The following EEFSEC variants were observed in gnomAD, a reference collection of about 807,000 sequenced individuals.
The protein encoded by EEFSEC is selenocysteine-specific elongation factor.
EEFSEC carries 43 observed loss-of-function variants against 42.1 expected under a neutral mutation model. The ratio of observed to expected loss-of-function variants is 1.02; its 90% CI spans 0.80 to 1.32. The LOEUF (loss-of-function observed/expected upper bound fraction) is 1.32. Ranked by LOEUF, EEFSEC falls within the 40% of genes most tolerant of loss-of-function variation. The probability of loss-of-function intolerance (pLI) is 0.00; values close to 1 mark genes in which losing one functional copy is unlikely to be tolerated. For missense variants in EEFSEC, 745 were observed against 803.6 expected, an observed-to-expected ratio of 0.93 and a Z score of 0.88; for synonymous variants, 354 against 339.1, an observed-to-expected ratio of 1.04 and a Z score of -0.48.
chr3:128,391,042 A>T (rs1576696225), intron 6 of EEFSEC, among the ~76,000 whole-genome samples: 1 of 152,258 alleles, frequency 6.6e-6, no homozygotes, highest in African/African-American at 2.4e-5. Flanking sequence ...GTCATACGAC[A>T]CATGGATGTG....
intron 4 of EEFSEC, among the ~76,000 whole-genome samples, chr3:128,323,008 T>G (rs2067024913): frequency 6.6e-6 from 1 of 152,226 alleles, no homozygotes; most frequent in South Asian, 2.1e-4. Flanking sequence ...TTGCTTAACA[T>G]GTTTAAAGTA....
chr3:128,251,633 G>A lies in EEFSEC; in HGVS notation c.524+4590G>A, dbSNP rs189750645. ...GCCCATGTAAAAATTTTGTCTGTTT[G>A]CCTCTTGCAATTTTAATTTTTTTTT... On this transcript the variant is annotated intron_variant, in intron 2 of 6. Coordinates refer to ENST00000254730, the MANE Select transcript of EEFSEC (RefSeq NM_021937.5). Among the ~76,000 whole-genome samples, 345 of 152,090 alleles carry A rather than the reference G, an allele frequency of 2.3e-3. 1 individual carries two copies. The highest frequency in any genetic ancestry group is 7.6e-3 in the African/African-American group (314 of 41,490).
intron 6 of EEFSEC, among the ~76,000 whole-genome samples, chr3:128,397,363 G>A (rs1194486066): frequency 6.6e-6 from 1 of 152,206 alleles, no homozygotes; most frequent in Non-Finnish European, 1.5e-5. Context: ...CAGCTGTTGT[G>A]ACCCCAGGCA....
intron 6 of EEFSEC, among the ~76,000 whole-genome samples, chr3:128,359,056 C>T (rs963817990): frequency 1.3e-5 from 2 of 152,110 alleles, no homozygotes; most frequent in South Asian, 2.1e-4. Context: ...CTAAAGAAAT[C>T]CCTGTCAGAT....
chr3:128,367,063 G>A (rs1326733456), intron 6 of EEFSEC, among the ~76,000 whole-genome samples: 2 of 152,176 alleles, frequency 1.3e-5, no homozygotes, highest in African/African-American at 4.8e-5. Context: ...TCACATGGCT[G>A]TCCCTCTGTG....
In EEFSEC at chr3:128,240,793, G is replaced by A. The variant is rs140223046; in HGVS notation, c.317-6043G>A. On this transcript the variant is annotated intron_variant, in intron 1 of 6. Coordinates refer to ENST00000254730, the MANE Select transcript of EEFSEC (RefSeq NM_021937.5). Reference sequence around the variant, plus strand: ...GGACAGCTGCAACCTGTGTTGGATGGAGCCTGATCAGTCCTGGGTTCTTGC... The same window carrying A: ...GGACAGCTGCAACCTGTGTTGGATGAAGCCTGATCAGTCCTGGGTTCTTGC... 2.2e-3 allele frequency among the ~76,000 whole-genome samples: 338 copies of A among 152,364 alleles called. 3 individuals carry two copies. Among genetic ancestry groups the A allele is most frequent in the African/African-American group, 7.7e-3 (321 of 41,586 alleles).
intron 1 of EEFSEC, among the ~76,000 whole-genome samples, chr3:128,188,416 GA>G (rs767733823): frequency 2.1e-4 from 32 of 152,290 alleles, no homozygotes; most frequent in Admixed American, 5.9e-4. Context: ...TGGGGTAGAT[GA>G]AAGGGGGTCC....
At chr3:128,160,805 C>T (rs550328110) in intron 1 of EEFSEC, among the ~76,000 whole-genome samples, 52 of 152,126 alleles carry the variant, frequency 3.4e-4, no homozygotes, top group African/African-American at 1.1e-3. Context: ...CACACACGCG[C>T]GCACACACAC....
At chr3:128,265,238 G>A (rs913875010) in intron 4 of EEFSEC, among the ~76,000 whole-genome samples, 2 of 152,112 alleles carry the variant, frequency 1.3e-5, no homozygotes, top group Non-Finnish European at 2.9e-5. Flanking sequence ...TAAACATGAC[G>A]TGAATCTTAT....
chr3:128,363,257 T>C (rs1288022433), intron 6 of EEFSEC, among the ~76,000 whole-genome samples: 6 of 152,196 alleles, frequency 3.9e-5, no homozygotes, highest in Admixed American at 2.6e-4. Context: ...AGGGCTAGGA[T>C]AGTCTGTGCC....
intron 1 of EEFSEC, among the ~76,000 whole-genome samples, chr3:128,176,952 T>C (rs1433267587): frequency 6.6e-6 from 1 of 151,526 alleles, no homozygotes; most frequent in African/African-American, 2.4e-5. Context: ...ATGCTGTAAT[T>C]TTTTTCTGTA....
intron 1 of EEFSEC, among the ~76,000 whole-genome samples, chr3:128,183,103 T>C (rs1351075027): frequency 1.3e-5 from 2 of 152,202 alleles, no homozygotes; most frequent in Non-Finnish European, 2.9e-5. Context: ...AGGCTTACCA[T>C]GAGTATTAAG....
intron 2 of EEFSEC, among the ~76,000 whole-genome samples, chr3:128,247,892 G>A (rs868379620): frequency 6.6e-6 from 1 of 152,160 alleles, no homozygotes; most frequent in Non-Finnish European, 1.5e-5. Flanking sequence ...CATGGAGGGA[G>A]GAGGTGGCTT....
At chr3:128,296,898 C>T (rs890010564) in intron 4 of EEFSEC, among the ~76,000 whole-genome samples, 4 of 152,178 alleles carry the variant, frequency 2.6e-5, no homozygotes, top group African/African-American at 9.7e-5. Flanking sequence ...GGAATTGTAG[C>T]CAATGCTATT....
intron 1 of EEFSEC, among the ~76,000 whole-genome samples, chr3:128,173,203 T>C (rs956060450): frequency 1.4e-4 from 22 of 152,248 alleles, no homozygotes; most frequent in African/African-American, 5.1e-4. Flanking sequence ...ATGCCATGTT[T>C]TTCCGGGAAC....
intron 6 of EEFSEC, among the ~76,000 whole-genome samples, chr3:128,390,588 G>A (rs2067896880): frequency 6.6e-6 from 1 of 152,214 alleles, no homozygotes; most frequent in Admixed American, 6.5e-5. Flanking sequence ...CAGTCATGCT[G>A]GAGTGGGCCC....
the EEFSEC span, among the ~76,000 whole-genome samples, chr3:128,425,417 G>A: frequency 6.6e-6 from 1 of 152,164 alleles, no homozygotes; most frequent in Non-Finnish European, 1.5e-5. Context: ...AAGGACACTC[G>A]GGCTGCTTCC....
At position 128,408,174 on chromosome 3, in the gene EEFSEC, G is replaced by A. The variant is rs1294056047; in HGVS notation, c.1706G>A (p.Ser569Asn). 6.2e-7 allele frequency: 1 copy of A among 1,612,946 alleles called. No homozygotes were observed. Among genetic ancestry groups the A allele is most frequent in the East Asian group, 2.2e-5 (1 of 44,840 alleles). Reference protein sequence around the residue: ...ATRQEESAERSEPSQHVVLSL... With the variant: ...ATRQEESAERNEPSQHVVLSL... ...AGGCAGGAGGAGAGCGCCGAGCGGA[G>A]CGAGCCCTCACAGCATGTGGTGCTC... is the stretch of plus-strand genomic sequence containing the variant. Residue 569 changes from serine to asparagine, a missense_variant, in exon 7 of 7, where the codon AGC becomes AAC. Ser to Asn is a conservative substitution (Grantham distance 46, BLOSUM62 1). Coordinates refer to ENST00000254730, the MANE Select transcript of EEFSEC (RefSeq NM_021937.5).
intron 1 of EEFSEC, among the ~76,000 whole-genome samples, chr3:128,204,033 A>G (rs767301003): frequency 3.3e-5 from 5 of 152,264 alleles, no homozygotes; most frequent in Non-Finnish European, 7.3e-5. Flanking sequence ...TGACTTGCAT[A>G]TTCTAAGATT....
Sources: gnomAD v4.1 joint callset for allele counts (sites outside exome capture counted in the v4.1 genomes callset) on GRCh38, gnomAD v4.1.1 for gene constraint, MANE v1.5 for transcripts, NCBI Gene and HGNC (gene_info 2026-07-23, HGNC 2026-07-21) for gene names.